Variants in PAX8 observed in about 807,000 individuals in gnomAD.
PAX8 encodes paired box 8.
Under a neutral mutation model 52.4 loss-of-function variants are expected in PAX8, and 15 were observed. The observed-to-expected ratio is 0.29, with a 90% CI of 0.19 to 0.44. The LOEUF (loss-of-function observed/expected upper bound fraction) is 0.44. Among genes scored for constraint, PAX8 ranks in the 20% least tolerant of loss-of-function variants. The pLI is 1.00. For missense variants in PAX8, 554 were observed against 602.5 expected, an observed-to-expected ratio of 0.92 and a Z score of 0.84; for synonymous variants, 284 against 249.7, an observed-to-expected ratio of 1.14 and a Z score of -1.29.
intron 11 of PAX8, among the ~76,000 whole-genome samples, chr2:113,218,830 C>A (rs1689117255): frequency 6.6e-6 from 1 of 152,170 alleles, no homozygotes; most frequent in African/African-American, 2.4e-5. Context: ...GGCTTCTTGC[C>A]CCTTCCCCCT....
intron 2 of PAX8, chr2:113,266,148 A>T (rs2104582597): frequency 6.6e-6 from 1 of 152,332 alleles, no homozygotes; most frequent in Middle Eastern, 3.4e-3. Flanking sequence ...GATGACTGGG[A>T]ATAGAAGCCC....
Position 113,220,141 on chromosome 2 carries a change from G to A in PAX8, c.1227C>T (p.Pro409=). ...EYSGNAYGHT[P]YSSYSEAWRF... ...GCCAGGCCTCGCTGTAGGAGGAGTA[G>A]GGGGTGTGGCCATAGGCATTGCCAG... is the stretch of plus-strand genomic sequence containing the variant. The change falls in exon 11 of 12, where the codon CCC becomes CCT. Residue 409 remains proline (P), a synonymous_variant. Coordinates refer to ENST00000429538, the MANE Select transcript of PAX8 (RefSeq NM_003466.4). 1 of 1,614,008 alleles carries A rather than the reference G, an allele frequency of 6.2e-7. No homozygotes were observed.
intron 10 of PAX8, among the ~76,000 whole-genome samples, chr2:113,220,894 C>T (rs1182325296): frequency 1.3e-5 from 2 of 152,194 alleles, no homozygotes; most frequent in Admixed American, 6.5e-5. Flanking sequence ...TAAATCAGAT[C>T]ACCTCCTTCT....
chr2:113,263,360 C>A (rs1286955665), intron 2 of PAX8: 1 of 152,712 alleles, frequency 6.5e-6, no homozygotes, highest in Non-Finnish European at 1.5e-5. Flanking sequence ...CTCCAGGCTT[C>A]TCCTCCTTTC....
chr2:113,226,197 C>T (rs1425725425), intron 10 of PAX8: 32 of 985,256 alleles, frequency 3.2e-5, no homozygotes, highest in Non-Finnish European at 3.3e-5. Context: ...TAACTCCTGC[C>T]GGCAAGGAAG....
rs984188153 is a variant in PAX8 at position 113,217,236 on chromosome 2, G to T, written c.*1297C>A. 1 of 229,340 alleles carries T rather than the reference G, an allele frequency of 4.4e-6. No individual in the cohort carries two copies. Among genetic ancestry groups the T allele is most frequent in the Non-Finnish European group, 8.7e-6 (1 of 115,404 alleles). The allele number at this position is 229,340 out of a possible 1,614,324, so 14.2% of individuals were successfully genotyped here. A position where few individuals can be genotyped will look rare whatever the true frequency, so the allele number is the denominator to read the frequency against. On this transcript the variant is annotated 3_prime_UTR_variant, in exon 12 of 12. Transcript: ENST00000429538. ...GGAGAAGGCCAAGCCAGAGCTCTGGGGCATCAGATGGTCCCTTCCAGCCCA... is the reference window on the plus strand; with the variant it reads ...GGAGAAGGCCAAGCCAGAGCTCTGGTGCATCAGATGGTCCCTTCCAGCCCA...
At chr2:113,268,990 G>A (rs1187460883) in intron 2 of PAX8, 1 of 152,288 alleles carries the variant, frequency 6.6e-6, no homozygotes, top group Non-Finnish European at 1.5e-5. Context: ...GGACCTTCCT[G>A]GTATGGGGTA....
At chr2:113,220,066 A>G (rs1269937129) in intron 11 of PAX8, 26 bp downstream of exon 11, 1 of 1,550,396 alleles carries the variant, frequency 6.4e-7, no homozygotes, top group South Asian at 1.1e-5. Context: ...TGCCCAGCAG[A>G]GGCCTGGGCA....
chr2:113,243,812 A>G (rs1220729494), intron 4 of PAX8, among the ~76,000 whole-genome samples: 1 of 152,218 alleles, frequency 6.6e-6, no homozygotes, highest in African/African-American at 2.4e-5. Flanking sequence ...AACTTCATAA[A>G]CCAAATAATC....
At chr2:113,243,057 G>C (rs931982861) in intron 4 of PAX8, among the ~76,000 whole-genome samples, 1 of 152,128 alleles carries the variant, frequency 6.6e-6, no homozygotes, top group Non-Finnish European at 1.5e-5. Flanking sequence ...ATCAAGTTCT[G>C]TGTTTTGACC....
At chr2:113,241,946 C>T (rs1412802667) in intron 6 of PAX8, 62 bp downstream of exon 6, 1 of 1,591,428 alleles carries the variant, frequency 6.3e-7, no homozygotes, top group East Asian at 2.3e-5. Flanking sequence ...TTTCTGTCCC[C>T]ATCAAAGCCT....
At chr2:113,230,230 G>A (rs1689808398) in intron 9 of PAX8, among the ~76,000 whole-genome samples, 1 of 152,154 alleles carries the variant, frequency 6.6e-6, no homozygotes. Flanking sequence ...GTGCCCTGCA[G>A]GGCTGCTTCT....
intron 7 of PAX8, 90 bp from the exon 8 acceptor site, chr2:113,236,811 C>CCCTCATCTCCCCGGGAGAGGT: frequency 6.9e-7 from 1 of 1,451,620 alleles, no homozygotes; most frequent in Non-Finnish European, 9.3e-7. Flanking sequence ...GACTTGGCAG[C>CCCTCATCTCCCCGGGAGAGGT]CCTCATCTCC....
intron 2 of PAX8, among the ~76,000 whole-genome samples, chr2:113,251,864 T>C (rs1691794041): frequency 6.6e-6 from 1 of 152,246 alleles, no homozygotes; most frequent in Non-Finnish European, 1.5e-5. Context: ...ACTGACTGCA[T>C]TGAACAGTAA....
At chr2:113,241,337 T>C in intron 7 of PAX8, 1 of 641,560 alleles carries the variant, frequency 1.6e-6, no homozygotes, top group Non-Finnish European at 2.8e-6. Flanking sequence ...TCAAAGGTTT[T>C]GGGTGAAGGA....
chr2:113,269,343 A>G (rs1443955122), intron 2 of PAX8: 2 of 152,282 alleles, frequency 1.3e-5, no homozygotes, highest in Admixed American at 6.5e-5. Flanking sequence ...AACAGCCACA[A>G]CATAGTTGTG....
chr2:113,250,053 G>T (rs1199675894), intron 2 of PAX8, among the ~76,000 whole-genome samples: 2 of 152,060 alleles, frequency 1.3e-5, no homozygotes, highest in African/African-American at 4.8e-5. Flanking sequence ...GGATCACGAG[G>T]TCAGGAGATC....
At chr2:113,223,876 G>A (rs1447740658) in intron 10 of PAX8, among the ~76,000 whole-genome samples, 1 of 152,172 alleles carries the variant, frequency 6.6e-6, no homozygotes, top group Non-Finnish European at 1.5e-5. Flanking sequence ...ACCAGTATTT[G>A]TTAAGTGAAA....
At chr2:113,242,586 A>G (rs1573462997) in intron 5 of PAX8, 104 bp downstream of exon 5, 1 of 831,042 alleles carries the variant, frequency 1.2e-6, no homozygotes, top group Non-Finnish European at 2.1e-6. Flanking sequence ...GTGCACAGCT[A>G]TGTCTGTGTG....
Sources: gnomAD v4.1 joint callset for allele counts (sites outside exome capture counted in the v4.1 genomes callset) on GRCh38, gnomAD v4.1.1 for gene constraint, MANE v1.5 for transcripts, NCBI Gene and HGNC (gene_info 2026-07-23, HGNC 2026-07-21) for gene names.